Variants in FGF14 observed in about 807,000 individuals in gnomAD.
FGF14 encodes fibroblast growth factor 14, also known as fibroblast growth factor homologous factor 4.
A neutral mutation model predicts 25.5 loss-of-function variants in FGF14; 5 were observed. The observed-to-expected ratio is 0.20, with a 90% confidence interval of 0.10 to 0.41. FGF14 has a LOEUF of 0.41. Ranked by LOEUF, FGF14 falls within the 10% of genes least tolerant of loss-of-function variation. The probability of loss-of-function intolerance (pLI) is 1.00; values close to 1 mark genes in which losing one functional copy is unlikely to be tolerated. For synonymous variants in FGF14, 138 were observed against 118.3 expected (o/e 1.17, Z -1.08); for missense variants, 222 against 320.1 (o/e 0.69, Z 2.34).
At chr13:101,793,364 T>C (rs892940518) in intron 3 of FGF14, among the ~76,000 whole-genome samples, 3 of 152,206 alleles carry the variant, frequency 2.0e-5, no homozygotes, top group Non-Finnish European at 2.9e-5. Context: ...CTTAGCATAA[T>C]GTTCTCCAAT....
chr13:102,386,811 A>G (rs974034262), intron 1 of FGF14, among the ~76,000 whole-genome samples: 11 of 152,248 alleles, frequency 7.2e-5, no homozygotes, highest in African/African-American at 2.7e-4. Context: ...ATTCAAAGTT[A>G]TGTTCATACA....
At chr13:102,292,933 G>C (rs2054503365) in intron 1 of FGF14, 1 of 152,184 alleles carries the variant, frequency 6.6e-6, no homozygotes, top group Non-Finnish European at 1.5e-5. Context: ...AAGAGACCTT[G>C]GTATGTATTC....
At chr13:102,140,055 C>G (rs558085366) in intron 1 of FGF14, among the ~76,000 whole-genome samples, 59 of 146,100 alleles carry the variant, frequency 4.0e-4, no homozygotes, top group Admixed American at 7.5e-4. Context: ...CCCCCCCCCC[C>G]CTTACAGCAG....
intron 1 of FGF14, among the ~76,000 whole-genome samples, chr13:101,907,754 C>T (rs2032420509): frequency 6.6e-6 from 1 of 151,952 alleles, no homozygotes; most frequent in African/African-American, 2.4e-5. Context: ...AATATTAGAG[C>T]ATATTTAAAT....
At chr13:101,926,860 T>C (rs1229312479) in intron 1 of FGF14, among the ~76,000 whole-genome samples, 6 of 152,212 alleles carry the variant, frequency 3.9e-5, no homozygotes, top group East Asian at 1.9e-4. Flanking sequence ...AGAATTTGCC[T>C]TAACCGTATA....
chr13:102,191,144 G>T (rs2049105462), intron 1 of FGF14, among the ~76,000 whole-genome samples: 1 of 152,146 alleles, frequency 6.6e-6, no homozygotes, highest in Non-Finnish European at 1.5e-5. Context: ...ATAACTCCTT[G>T]TAAACAACCT....
intron 1 of FGF14, among the ~76,000 whole-genome samples, chr13:102,348,744 C>A (rs1269534698): frequency 6.6e-6 from 1 of 152,132 alleles, no homozygotes; most frequent in African/African-American, 2.4e-5. Flanking sequence ...ATCAAGAAAC[C>A]AGGAAACTGA....
intron 1 of FGF14, among the ~76,000 whole-genome samples, chr13:102,015,875 C>T (rs1209441749): frequency 6.6e-6 from 1 of 152,076 alleles, no homozygotes; most frequent in African/African-American, 2.4e-5. Context: ...TTTTCAGCTT[C>T]AATAGCATTT....
At chr13:101,801,936 T>C (rs1319008774) in intron 3 of FGF14, 4 of 456,936 alleles carry the variant, frequency 8.8e-6, no homozygotes. Context: ...GCTCTCTTTG[T>C]GCAGATGTGC....
chr13:102,138,915 G>T (rs2390673), intron 1 of FGF14, among the ~76,000 whole-genome samples: 37,039 of 152,028 alleles, frequency 0.24, 5,685 homozygotes, highest in East Asian at 0.85. Context: ...ATTGCTTTGG[G>T]ATCTATGATC....
chr13:101,743,735 A>G (rs1483404304), intron 3 of FGF14, among the ~76,000 whole-genome samples: 1 of 152,170 alleles, frequency 6.6e-6, no homozygotes, highest in Non-Finnish European at 1.5e-5. Flanking sequence ...TAAATATTGA[A>G]CATATTCACA....
At chr13:101,856,783 C>T (rs1161906756) in intron 3 of FGF14, among the ~76,000 whole-genome samples, 1 of 151,902 alleles carries the variant, frequency 6.6e-6, no homozygotes, top group Non-Finnish European at 1.5e-5. Context: ...TTCTATATTA[C>T]CTATAAGCAA....
intron 1 of FGF14, among the ~76,000 whole-genome samples, chr13:102,330,244 C>A (rs2056591966): frequency 2.0e-5 from 3 of 152,152 alleles, no homozygotes; most frequent in Admixed American, 2.0e-4. Context: ...AGAGAATGCC[C>A]TCAACTCCCA....
intron 1 of FGF14, among the ~76,000 whole-genome samples, chr13:102,085,594 C>A (rs2043858141): frequency 6.6e-6 from 1 of 152,108 alleles, no homozygotes; most frequent in East Asian, 1.9e-4. Flanking sequence ...AATTTGATTT[C>A]CAGAACAATA....
At chr13:101,730,429 G>T (rs2035730735) in intron 3 of FGF14, among the ~76,000 whole-genome samples, 1 of 151,966 alleles carries the variant, frequency 6.6e-6, no homozygotes, top group Non-Finnish European at 1.5e-5. Flanking sequence ...TGGTAGCCAG[G>T]ACAAAAAGAG....
Position 102,400,030 on chromosome 13 carries a change from C to T in FGF14, c.208+1441G>A, listed in dbSNP as rs796771460. Among the ~76,000 whole-genome samples the T allele has an allele frequency of 1.3e-5, 2 of 151,926 alleles. No homozygotes were observed. The highest frequency in any genetic ancestry group is 4.8e-5 in the African/African-American group (2 of 41,536). On this transcript the variant is annotated intron_variant, in intron 1 of 4. Transcript: ENST00000376131. The surrounding 1 kb of genome is among the most constrained non-coding windows in gnomAD (Gnocchi z 4.3). Reference sequence around the variant, plus strand: ...TGGTGGCCGCAAACGGTCTCAGCCTCCGCACCCACCGCCTCCGTCCCCGCC... The same window carrying T: ...TGGTGGCCGCAAACGGTCTCAGCCTTCGCACCCACCGCCTCCGTCCCCGCC...
intron 1 of FGF14, among the ~76,000 whole-genome samples, chr13:102,291,385 G>C (rs1463407518): frequency 6.6e-6 from 1 of 152,142 alleles, no homozygotes; most frequent in East Asian, 1.9e-4. Context: ...TGAGTAGAAG[G>C]CAGAGAGGAA....
intron 1 of FGF14, among the ~76,000 whole-genome samples, chr13:102,383,488 A>C (rs2058233650): frequency 1.3e-5 from 2 of 152,208 alleles, no homozygotes; most frequent in African/African-American, 4.8e-5. Flanking sequence ...TTTCAACTTA[A>C]AAATGTACCC....
At chr13:102,027,740 T>C (rs984038300) in intron 1 of FGF14, among the ~76,000 whole-genome samples, 1 of 152,050 alleles carries the variant, frequency 6.6e-6, no homozygotes, top group African/African-American at 2.4e-5. Flanking sequence ...AGGACATTGT[T>C]GGAATCTGGA....
Sources: gnomAD v4.1 joint callset for allele counts (sites outside exome capture counted in the v4.1 genomes callset) on GRCh38, gnomAD v4.1.1 for gene constraint, Gnocchi (gnomAD v3.1) non-coding constraint, MANE v1.5 for transcripts, NCBI Gene and HGNC (gene_info 2026-07-23, HGNC 2026-07-21) for gene names.